Variants in UBR3 observed in about 807,000 individuals in gnomAD.
UBR3 encodes E3 ubiquitin-protein ligase UBR3.
Under a neutral mutation model 243.2 loss-of-function variants are expected in UBR3, and 85 were observed. The observed-to-expected ratio is 0.35, with a 90% CI of 0.29 to 0.42. The LOEUF (loss-of-function observed/expected upper bound fraction) is 0.42, where lower values mean the gene tolerates loss of function less well. Among genes scored for constraint, UBR3 ranks in the 10% least tolerant of loss-of-function variants. UBR3 has a pLI of 1.00. For synonymous variants in UBR3, 748 were observed against 799.8 expected (o/e 0.94, Z 1.09); for missense variants, 1,686 against 2,300.8 (o/e 0.73, Z 5.47).
chr2:169,927,277 T>C, intron 16 of UBR3, 43 bp from the exon 17 acceptor site: 1 of 1,484,130 alleles, frequency 6.7e-7, no homozygotes, highest in South Asian at 1.3e-5. Context: ...CTTTATAATT[T>C]ATGTATACTC....
chr2:170,046,568 A>ACTT (rs1439802727), intron 32 of UBR3, among the ~76,000 whole-genome samples: 6 of 152,228 alleles, frequency 3.9e-5, no homozygotes, highest in Non-Finnish European at 8.8e-5. Flanking sequence ...TTACAAAAAT[A>ACTT]CTTCATGGAT....
chr2:169,903,536 G>C (rs955545362), intron 8 of UBR3, among the ~76,000 whole-genome samples: 3 of 152,180 alleles, frequency 2.0e-5, no homozygotes, highest in Admixed American at 2.0e-4. Context: ...TACTGAAAGA[G>C]AGTGTACTTA....
Position 170,061,398 on chromosome 2 carries a change from C to A in UBR3, c.4974C>A (p.Ser1658Arg). 1.9e-6 allele frequency: 3 copies of A among 1,614,134 alleles called. No homozygotes were observed. The highest frequency in any genetic ancestry group is 2.5e-6 in the Non-Finnish European group (3 of 1,180,002). The change falls in exon 35 of 39, where the codon AGC (serine) becomes AGA (arginine). Residue 1658 changes from serine (S) to arginine (R), a missense_variant. By Grantham distance (110) the Ser-to-Arg change is moderately radical. Coordinates refer to ENST00000272793, the MANE Select transcript of UBR3 (RefSeq NM_172070.4). ...DFCLPFLRIT[S>R]LLQHHLFGED... The stretch of plus-strand genomic sequence containing the variant: ...GCTTACCTTTTCTCAGAATCACCAG[C>A]CTTCTTCAGCACCACCTTTTTGGGG...
intron 30 of UBR3, 80 bp from the exon 31 acceptor site, chr2:170,029,266 A>T: frequency 8.7e-7 from 1 of 1,151,192 alleles, no homozygotes. Context: ...TTCCTTATGA[A>T]ATAACTAGAA....
chr2:169,838,422 TGTGTGTG>T (rs1486467492), intron 1 of UBR3, among the ~76,000 whole-genome samples: 9 of 149,552 alleles, frequency 6.0e-5, no homozygotes, highest in Non-Finnish European at 1.2e-4. Context: ...TGTGTGTGTG[TGTGTGTG>T]TGTGTGTGTG....
chr2:169,900,123 A>G (rs907893950), intron 8 of UBR3, among the ~76,000 whole-genome samples: 1 of 152,192 alleles, frequency 6.6e-6, no homozygotes, highest in East Asian at 1.9e-4. Context: ...ACAGTGTAAA[A>G]GCGTTCCTAT....
intron 1 of UBR3, among the ~76,000 whole-genome samples, chr2:169,845,726 C>T (rs539096851): frequency 1.3e-5 from 2 of 151,822 alleles, no homozygotes; most frequent in East Asian, 3.9e-4. Context: ...GCTGGGACTA[C>T]AGGCACACCA....
At chr2:169,879,257 A>G (rs919796673) in intron 5 of UBR3, among the ~76,000 whole-genome samples, 16 of 152,100 alleles carry the variant, frequency 1.1e-4, no homozygotes, top group Non-Finnish European at 2.9e-5. Context: ...AATTACATTT[A>G]AACATATATA....
chr2:169,905,979 T>G (rs1452575144), intron 9 of UBR3, 52 bp from the exon 10 acceptor site: 1 of 1,530,806 alleles, frequency 6.5e-7, no homozygotes, highest in South Asian at 1.2e-5. Flanking sequence ...ATATTTAACA[T>G]GAATGTGTGC....
At chr2:169,925,581 TTAGA>T in intron 13 of UBR3, 34 bp from the exon 14 acceptor site, 1 of 1,507,206 alleles carries the variant, frequency 6.6e-7, no homozygotes, top group Non-Finnish European at 8.9e-7. Context: ...AAGATTGCAT[TTAGA>T]TAATTTATTC....
intron 30 of UBR3, chr2:170,016,682 A>AT (rs1342304185): frequency 6.0e-6 from 1 of 167,722 alleles, no homozygotes; most frequent in Non-Finnish European, 1.4e-5. Flanking sequence ...AAATCTACTT[A>AT]TTTTTTTCTC....
chr2:169,944,557 A>T (rs1350159396), intron 20 of UBR3, among the ~76,000 whole-genome samples: 2 of 152,206 alleles, frequency 1.3e-5, no homozygotes, highest in Non-Finnish European at 1.5e-5. Context: ...TACTAGTAAT[A>T]ATAAAGTTCT....
At chr2:169,998,561 G>T (rs530612716) in intron 26 of UBR3, among the ~76,000 whole-genome samples, 16 of 152,324 alleles carry the variant, frequency 1.1e-4, no homozygotes, top group African/African-American at 3.8e-4. Flanking sequence ...TATGTGTGTT[G>T]TAGATGCTTA....
At chr2:169,935,580 T>A (rs2354242) in intron 19 of UBR3, among the ~76,000 whole-genome samples, 112,645 of 152,128 alleles carry the variant, frequency 0.74, 43,043 homozygotes, top group East Asian at 0.88. Context: ...GTACATTTTT[T>A]AAAATATGTA....
intron 1 of UBR3, among the ~76,000 whole-genome samples, chr2:169,862,391 A>T (rs1310578907): frequency 1.3e-5 from 2 of 152,142 alleles, no homozygotes; most frequent in African/African-American, 4.8e-5. Flanking sequence ...AAAATGGCCC[A>T]GGAATATGTA....
chr2:169,974,834 A>G (rs189025262), intron 24 of UBR3, among the ~76,000 whole-genome samples: 24 of 152,230 alleles, frequency 1.6e-4, no homozygotes, highest in Non-Finnish European at 1.8e-4. Flanking sequence ...GCTGTATCCT[A>G]TAGGTTTTGG....
intron 24 of UBR3, among the ~76,000 whole-genome samples, chr2:169,967,025 C>A (rs776106073): frequency 6.6e-6 from 1 of 152,124 alleles, no homozygotes; most frequent in Non-Finnish European, 1.5e-5. Flanking sequence ...GTACTCAGCA[C>A]TGTGATAATA....
At chr2:169,965,994 A>G (rs1252600693) in intron 24 of UBR3, among the ~76,000 whole-genome samples, 1 of 152,182 alleles carries the variant, frequency 6.6e-6, no homozygotes, top group Non-Finnish European at 1.5e-5. Flanking sequence ...AATATAGTAC[A>G]TTATTAGGTA....
intron 5 of UBR3, among the ~76,000 whole-genome samples, chr2:169,879,607 A>G (rs1293702419): frequency 6.6e-6 from 1 of 152,156 alleles, no homozygotes; most frequent in African/African-American, 2.4e-5. Context: ...TAACTTCTTC[A>G]TGTCTACATT....
Sources: allele counts gnomAD v4.1 joint callset (sites outside exome capture counted in the v4.1 genomes callset), GRCh38; gene constraint gnomAD v4.1.1; transcripts MANE v1.5; gene names NCBI Gene and HGNC (gene_info 2026-07-23, HGNC 2026-07-21).